The following FMNL2 variants were observed in gnomAD, a reference collection of about 807,000 sequenced individuals.
The protein encoded by FMNL2 is formin like 2.
Under a neutral mutation model 130.2 loss-of-function variants are expected in FMNL2, and 51 were observed. That is an observed-to-expected ratio of 0.39 (90% CI 0.31 to 0.49). The LOEUF (loss-of-function observed/expected upper bound fraction) is 0.49, where lower values mean the gene tolerates loss of function less well. FMNL2 is among the 20% of genes least tolerant of loss of function. The probability of loss-of-function intolerance (pLI) is 0.85; values close to 1 mark genes in which losing one functional copy is unlikely to be tolerated. For synonymous variants in FMNL2, 465 were observed against 467.1 expected, an observed-to-expected ratio of 1.00 and a Z score of 0.06; for missense variants, 977 against 1,316.2, an observed-to-expected ratio of 0.74 and a Z score of 3.99.
chr2:152,621,167 C>T (rs1274059003), intron 15 of FMNL2: 2 of 980,108 alleles, frequency 2.0e-6, no homozygotes, highest in East Asian at 2.3e-4. Context: ...TGGTAGCCCC[C>T]AAGGCGCACT....
chr2:152,627,919 C>T (rs1369758802), intron 17 of FMNL2, among the ~76,000 whole-genome samples: 2 of 152,218 alleles, frequency 1.3e-5, no homozygotes, highest in African/African-American at 4.8e-5. Context: ...ATTAGCTGTA[C>T]TTCACAATGC....
intron 9 of FMNL2, among the ~76,000 whole-genome samples, chr2:152,597,161 C>T (rs752556692): frequency 6.6e-6 from 1 of 152,130 alleles, no homozygotes; most frequent in Admixed American, 6.5e-5. Context: ...TCAGACTCCT[C>T]GTGGTGGGTA....
chr2:152,388,022 CTAATA>C (rs1356621471), intron 1 of FMNL2, among the ~76,000 whole-genome samples: 1 of 152,076 alleles, frequency 6.6e-6, no homozygotes. Context: ...GATAATTAGG[CTAATA>C]TAATAAGAAT....
At chr2:152,482,912 G>C (rs1055630380) in intron 1 of FMNL2, among the ~76,000 whole-genome samples, 5 of 151,844 alleles carry the variant, frequency 3.3e-5, no homozygotes, top group African/African-American at 1.2e-4. Context: ...TTTTTTCCTA[G>C]GCCTCTTGTA....
intron 3 of FMNL2, among the ~76,000 whole-genome samples, chr2:152,545,328 A>T (rs1694562583): frequency 6.6e-6 from 1 of 152,224 alleles, no homozygotes; most frequent in Admixed American, 6.5e-5. Flanking sequence ...TAGGTTGGGC[A>T]GTTTTCCTTT....
intron 1 of FMNL2, among the ~76,000 whole-genome samples, chr2:152,420,470 C>CT (rs1287433824): frequency 6.6e-6 from 1 of 152,186 alleles, no homozygotes; most frequent in Non-Finnish European, 1.5e-5. Flanking sequence ...GCATCGGTTT[C>CT]TGAGTATGAT....
chr2:152,370,194 A>G (rs1340862391), intron 1 of FMNL2, among the ~76,000 whole-genome samples: 1 of 152,150 alleles, frequency 6.6e-6, no homozygotes, highest in Non-Finnish European at 1.5e-5. Flanking sequence ...TGGAGGTTGT[A>G]AGTTCAAGAT....
intron 1 of FMNL2, among the ~76,000 whole-genome samples, chr2:152,361,012 T>C (rs1172792967): frequency 6.6e-6 from 1 of 152,218 alleles, no homozygotes; most frequent in Non-Finnish European, 1.5e-5. Flanking sequence ...TTTCAAATTT[T>C]TGACTGCATA....
intron 6 of FMNL2, among the ~76,000 whole-genome samples, chr2:152,568,218 G>GTTTTTTTTTTTTTTTTTTTTTTTTTTT (rs1177965681): frequency 4.0e-4 from 14 of 34,858 alleles, no homozygotes; most frequent in African/African-American, 1.2e-3. Context: ...ATTTTGGTGG[G>GTTTTTTTTTTTTTTTTTTTTTTTTTTT]TTTTTTTTTT....
intron 1 of FMNL2, among the ~76,000 whole-genome samples, chr2:152,404,695 C>A (rs1341494325): frequency 6.6e-6 from 1 of 152,146 alleles, no homozygotes; most frequent in African/African-American, 2.4e-5. Context: ...TTAAACACAA[C>A]AAAGGCAGAA....
rs1580140401 is a variant in FMNL2, at chr2:152,632,014, G to C, written c.2557G>C (p.Asp853His). The change falls in exon 21 of 26, where the codon GAT (aspartate) becomes CAT (histidine). Residue 853 changes from aspartate (D) to histidine (H), a missense_variant. By Grantham distance (81) the Asp-to-His change is moderately conservative (BLOSUM62 -1). This residue lies in a region of FMNL2 where 689 missense variants were observed against 995.9 expected (regional missense o/e 0.69). Transcript: ENST00000288670. ...FKLQSLDLLLDTKSTDRKQTL... is the reference protein window; with the variant it reads ...FKLQSLDLLLHTKSTDRKQTL... The stretch of plus-strand genomic sequence containing the variant: ...CGTTCCCTTTTGTTTTCAGCTCTTA[G>C]ATACAAAGTCAACAGACAGAAAGCA... 3 of 1,610,738 alleles carry C rather than the reference G, an allele frequency of 1.9e-6. No homozygotes were observed. The highest frequency in any genetic ancestry group is 2.5e-6 in the Non-Finnish European group (3 of 1,178,618).
Position 152,637,654 on chromosome 2 carries a change from C to T in FMNL2, c.2926C>T (p.Arg976Trp). ...PPSVFFPVFVRFVKAYKQAEE... is the reference protein window; with the variant it reads ...PPSVFFPVFVWFVKAYKQAEE... ...CTCTGTCTTCTTTCCTGTCTTTGTCCGGTTTGTGAAAGCATATAAGGTATA... is the reference window on the plus strand; with the variant it reads ...CTCTGTCTTCTTTCCTGTCTTTGTCTGGTTTGTGAAAGCATATAAGGTATA... Residue 976 changes from arginine (R) to tryptophan (W), a missense_variant, in exon 23 of 26, where the codon CGG (arginine) becomes TGG (tryptophan). Arg to Trp is a moderately radical substitution (Grantham distance 101, BLOSUM62 -3). Transcript: ENST00000288670. 1.9e-6 allele frequency: 3 copies of T among 1,613,868 alleles called. No individual in the cohort carries two copies. The highest frequency in any genetic ancestry group is 2.2e-5 in the East Asian group (1 of 44,870).
In FMNL2 at chr2:152,640,840, TAAG is replaced by T. The variant is rs1310690676; in HGVS notation, c.3100_3102del (p.Arg1035del). On this transcript the variant is annotated inframe_deletion, in exon 25 of 26. Coordinates refer to ENST00000288670, the MANE Select transcript of FMNL2 (RefSeq NM_052905.4). ...CAGCAGCAAGAGTTAATTGCAGAAT[TAAG>T]AAGACGACAAGTTAAAGATAACAGA... The T allele has an allele frequency of 1.2e-6, 2 of 1,613,862 alleles. No homozygotes were observed. Among genetic ancestry groups the T allele is most frequent in the Non-Finnish European group, 8.5e-7 (1 of 1,179,824 alleles).
At chr2:152,503,280 G>C (rs1691954042) in intron 1 of FMNL2, among the ~76,000 whole-genome samples, 1 of 152,122 alleles carries the variant, frequency 6.6e-6, no homozygotes, top group Non-Finnish European at 1.5e-5. Flanking sequence ...AAAATTACTA[G>C]GAGGAAACAT....
At position 152,629,911 on chromosome 2, in the gene FMNL2, T is replaced by C. The variant is rs1682051184; in HGVS notation, c.2550+6T>C. The C allele has an allele frequency of 1.9e-6, 3 of 1,599,670 alleles. No homozygotes were observed. The highest frequency in any genetic ancestry group is 2.2e-5 in the East Asian group (1 of 44,602). ...AACTTCAGAGTTTAGATCTGGTGAGTGGACTAAAAGAAATTTGAGAGCTGT... is the reference window on the plus strand; with the variant it reads ...AACTTCAGAGTTTAGATCTGGTGAGCGGACTAAAAGAAATTTGAGAGCTGT... On this transcript the variant is annotated splice_donor_region_variant and intron_variant, in intron 20 of 25. Transcript: ENST00000288670.
At chr2:152,432,500 G>T (rs1221523847) in intron 1 of FMNL2, among the ~76,000 whole-genome samples, 1 of 152,170 alleles carries the variant, frequency 6.6e-6, no homozygotes, top group African/African-American at 2.4e-5. Context: ...GGATTTGGCT[G>T]CCTCCCGTTC....
At chr2:152,627,358 T>C (rs1241580644) in intron 17 of FMNL2, among the ~76,000 whole-genome samples, 1 of 152,242 alleles carries the variant, frequency 6.6e-6, no homozygotes, top group Non-Finnish European at 1.5e-5. Context: ...AGAATCCTTC[T>C]ATTCTTCTTG....
At chr2:152,636,095 AG>A (rs1250241193) in intron 21 of FMNL2, among the ~76,000 whole-genome samples, 2 of 152,170 alleles carry the variant, frequency 1.3e-5, no homozygotes, top group Admixed American at 6.5e-5. Flanking sequence ...GTTTTGTGCA[AG>A]TGTGGGATTT....
chr2:152,645,119 C>T (rs1683437774), intron 25 of FMNL2, among the ~76,000 whole-genome samples: 1 of 152,186 alleles, frequency 6.6e-6, no homozygotes, highest in African/African-American at 2.4e-5. Flanking sequence ...TACTTACCCA[C>T]CAGTGCTTAT....
Sources: allele counts gnomAD v4.1 joint callset (sites outside exome capture counted in the v4.1 genomes callset), GRCh38; gene constraint gnomAD v4.1.1; regional missense constraint gnomAD v4.1.1; transcripts MANE v1.5; gene names NCBI Gene and HGNC (gene_info 2026-07-23, HGNC 2026-07-21).